The following PLCH1 variants were observed in gnomAD, a reference collection of about 807,000 sequenced individuals.
PLCH1 encodes phospholipase C eta 1, also known as 1-phosphatidylinositol 4,5-bisphosphate phosphodiesterase eta-1.
A neutral mutation model predicts 126.7 loss-of-function variants in PLCH1; 60 were observed. The ratio of observed to expected loss-of-function variants is 0.47; its 90% confidence interval spans 0.38 to 0.59. The LOEUF (loss-of-function observed/expected upper bound fraction) is 0.59, where lower values mean the gene tolerates loss of function less well. Ranked by LOEUF, PLCH1 falls within the 20% of genes least tolerant of loss-of-function variation. The probability of loss-of-function intolerance (pLI) is 0.00; values close to 1 mark genes in which losing one functional copy is unlikely to be tolerated. For missense variants in PLCH1, 1,723 were observed against 2,040.0 expected (o/e 0.84, Z 2.99); for synonymous variants, 719 against 734.9 (o/e 0.98, Z 0.35).
Position 155,568,209 on chromosome 3 carries a change from T to C in PLCH1, c.865+22A>G, listed in dbSNP as rs1332928074. 8 of 1,031,680 alleles carry C rather than the reference T, an allele frequency of 7.8e-6. No individual in the cohort carries two copies. The South Asian group carries it at 1.1e-4, about 14-fold the overall frequency. The allele number at this position is 1,031,680 out of a possible 1,614,324, so 63.9% of individuals were successfully genotyped here. ...ACAGGCTGAATCAAGAAATGAGAAA[T>C]AAAGAATATTGGTTATTTTACCTTC... On this transcript the variant is annotated intron_variant, in intron 7 of 22. Transcript: ENST00000460012.
At chr3:155,737,648 A>G (rs1424044889) in intron 1 of PLCH1, among the ~76,000 whole-genome samples, 2 of 152,238 alleles carry the variant, frequency 1.3e-5, no homozygotes, top group African/African-American at 2.4e-5. Context: ...TAAATTTTCA[A>G]TACCTCCTAT....
intron 1 of PLCH1, among the ~76,000 whole-genome samples, chr3:155,726,153 C>G (rs1174722383): frequency 2.0e-5 from 3 of 152,140 alleles, no homozygotes; most frequent in African/African-American, 7.2e-5. Context: ...CTTATATAGT[C>G]AATACGTGTT....
intron 1 of PLCH1, 100 bp from the exon 2 acceptor site, chr3:155,704,364 CA>C (rs1276878006): frequency 5.0e-6 from 2 of 397,736 alleles, no homozygotes; most frequent in Non-Finnish European, 8.8e-6. Flanking sequence ...TACGGGGCAA[CA>C]TATACGGCAT....
At chr3:155,744,233 C>T (rs1346996604) in intron 1 of PLCH1, among the ~76,000 whole-genome samples, 1 of 152,190 alleles carries the variant, frequency 6.6e-6, no homozygotes, top group African/African-American at 2.4e-5. Flanking sequence ...CAGAGCGTGC[C>T]GCCGCGGGGC....
intron 4 of PLCH1, among the ~76,000 whole-genome samples, chr3:155,593,286 C>A (rs1039448581): frequency 6.6e-6 from 1 of 152,178 alleles, no homozygotes; most frequent in Non-Finnish European, 1.5e-5. Context: ...AGGATGCCTG[C>A]AGACCAACTC....
chr3:155,644,657 T>G (rs1739800249), intron 2 of PLCH1, among the ~76,000 whole-genome samples: 1 of 152,092 alleles, frequency 6.6e-6, no homozygotes, highest in African/African-American at 2.4e-5. Context: ...CCAAAAAGCA[T>G]GCAGTTAAAG....
chr3:155,553,448 A>T (rs1726399427), intron 9 of PLCH1, among the ~76,000 whole-genome samples: 1 of 152,184 alleles, frequency 6.6e-6, no homozygotes, highest in African/African-American at 2.4e-5. Context: ...CTTGAGGGGA[A>T]AGTTCTGGAC....
At chr3:155,666,037 A>C (rs1454070921) in intron 2 of PLCH1, among the ~76,000 whole-genome samples, 1 of 152,222 alleles carries the variant, frequency 6.6e-6, no homozygotes, top group Non-Finnish European at 1.5e-5. Flanking sequence ...TAGATGTGCT[A>C]TCATTTTTTA....
In PLCH1 at chr3:155,485,635, A is replaced by G; in HGVS notation, c.2695T>C (p.Tyr899His). The part of the protein sequence containing the change: ...RHSSSENNSH[Y>H]VRKRSIGDRI... ...TCTCCAATGGATCGCTTCCGTACATAATGGGAATTGTTTTCTGAAGAACTG... is the reference window on the plus strand; with the variant it reads ...TCTCCAATGGATCGCTTCCGTACATGATGGGAATTGTTTTCTGAAGAACTG... Residue 899 changes from tyrosine to histidine, a missense_variant, in exon 22 of 23, where the codon TAT (tyrosine) becomes CAT (histidine). Physicochemically the swap from Tyr to His is moderately conservative, Grantham distance 83. Coordinates refer to ENST00000460012, the MANE Select transcript of PLCH1 (RefSeq NM_014996.4). 6.2e-7 allele frequency: 1 copy of G among 1,611,816 alleles called. No homozygotes were observed. The highest frequency in any genetic ancestry group is 8.5e-7 in the Non-Finnish European group (1 of 1,179,988).
At chr3:155,736,754 T>C (rs1749204552) in intron 1 of PLCH1, among the ~76,000 whole-genome samples, 1 of 152,214 alleles carries the variant, frequency 6.6e-6, no homozygotes, top group Non-Finnish European at 1.5e-5. Context: ...AGACAGATAA[T>C]TGCTTTTCTT....
chr3:155,615,855 A>G (rs1735738497), intron 2 of PLCH1, among the ~76,000 whole-genome samples: 1 of 152,192 alleles, frequency 6.6e-6, no homozygotes, highest in South Asian at 2.1e-4. Context: ...AATCTCAGCA[A>G]TCACCACTAA....
rs756101720 is a variant in PLCH1, at chr3:155,480,930, A to T, written c.*38T>A. On this transcript the variant is annotated 3_prime_UTR_variant, in exon 23 of 23. Coordinates refer to ENST00000460012, the MANE Select transcript of PLCH1 (RefSeq NM_014996.4). ...TACTGAAAACTCTGACATTCTACAGAATACCTTGAAAACCTTAAGAATGCA... is the reference window on the plus strand; with the variant it reads ...TACTGAAAACTCTGACATTCTACAGTATACCTTGAAAACCTTAAGAATGCA... 2 of 1,467,650 alleles carry T rather than the reference A, an allele frequency of 1.4e-6. No homozygotes were observed. Among genetic ancestry groups the T allele is most frequent in the Non-Finnish European group, 1.8e-6 (2 of 1,088,202 alleles). 90.9% of individuals were successfully genotyped at this position (1,467,650 alleles called of 1,614,324 possible). A position where few individuals can be genotyped will look rare whatever the true frequency, so the allele number is the denominator to read the frequency against.
Position 155,482,809 on chromosome 3 carries a change from T to A in PLCH1, c.3217A>T (p.Ser1073Cys). The change falls in exon 23 of 23, where the codon AGC (serine) becomes TGC (cysteine). Residue 1073 changes from serine to cysteine, a missense_variant. By Grantham distance (112) the Ser-to-Cys change is moderately radical. Around this residue, in one of 2 missense-constraint regions of PLCH1, gnomAD observed 947 missense variants for 977.1 expected, o/e 0.97. Coordinates refer to ENST00000460012, the MANE Select transcript of PLCH1 (RefSeq NM_014996.4). ...TSNCQENPCP[S>C]KSLSPKQHLA... ...TGCTGCTTTGGGGAGAGAGACTTGCTGGGACAGGGGTTTTCCTGGCAATTG... is the reference window on the plus strand; with the variant it reads ...TGCTGCTTTGGGGAGAGAGACTTGCAGGGACAGGGGTTTTCCTGGCAATTG... 1.2e-5 allele frequency: 20 copies of A among 1,614,102 alleles called. No homozygotes were observed. Among genetic ancestry groups the A allele is most frequent in the Non-Finnish European group, 1.6e-5 (19 of 1,180,026 alleles).
At chr3:155,543,920 G>C (rs112741584) in intron 10 of PLCH1, among the ~76,000 whole-genome samples, 32 of 152,078 alleles carry the variant, frequency 2.1e-4, no homozygotes, top group Non-Finnish European at 3.4e-4. Context: ...ACCAGTACCA[G>C]CCACTGCAAA....
In PLCH1 at chr3:155,683,238, C is replaced by T. The variant is rs532327004; in HGVS notation, c.79+20908G>A. 3.9e-5 allele frequency among the ~76,000 whole-genome samples: 6 copies of T among 152,254 alleles called. No individual in the cohort carries two copies. The South Asian group carries it at 1.2e-3, about 32-fold the overall frequency. On this transcript the variant is annotated intron_variant, in intron 2 of 22. Transcript: ENST00000460012. ...GCTGCCTGCTTGATGACTTATTGAT[C>T]TCCCCTTCGAGACTCTTGGTTTTCA... is the stretch of plus-strand genomic sequence containing the variant.
Position 155,482,880 on chromosome 3 carries a change from C to A in PLCH1, c.3146G>T (p.Gly1049Val), listed in dbSNP as rs1363289785. The A allele has an allele frequency of 6.2e-7, 1 of 1,614,130 alleles. No homozygotes were observed. Among genetic ancestry groups the A allele is most frequent in the Non-Finnish European group, 8.5e-7 (1 of 1,180,016 alleles). Reference protein sequence around the residue: ...AHMSVTGEQLGMSSPRGGRTT... With the variant: ...AHMSVTGEQLVMSSPRGGRTT... Reference sequence around the variant, plus strand: ...TCTCCCACCCCTAGGACTTGACATGCCCAGCTGTTCTCCTGTGACTGACAT... The same window carrying A: ...TCTCCCACCCCTAGGACTTGACATGACCAGCTGTTCTCCTGTGACTGACAT... The change falls in exon 23 of 23, where the codon GGC (glycine) becomes GTC (valine). Residue 1049 changes from glycine to valine, a missense_variant. By Grantham distance (109) the Gly-to-Val change is moderately radical. This residue lies in a region of PLCH1 where 947 missense variants were observed against 977.1 expected (regional missense o/e 0.97). Transcript: ENST00000460012.
intron 21 of PLCH1, among the ~76,000 whole-genome samples, chr3:155,460,465 C>T (rs1222626461): frequency 6.6e-6 from 1 of 152,026 alleles, no homozygotes; most frequent in East Asian, 1.9e-4. Flanking sequence ...GATATAAGGA[C>T]CCATTCTGTT....
At chr3:155,530,644 T>G (rs182926185) in intron 10 of PLCH1, among the ~76,000 whole-genome samples, 1 of 152,312 alleles carries the variant, frequency 6.6e-6, no homozygotes, top group Admixed American at 6.5e-5. Flanking sequence ...ACTGAAGTCT[T>G]GAACCCCTCA....
At chr3:155,462,892 A>C (rs1712780994) in intron 21 of PLCH1, among the ~76,000 whole-genome samples, 1 of 152,196 alleles carries the variant, frequency 6.6e-6, no homozygotes, top group Admixed American at 6.5e-5. Context: ...GGGATTGTGT[A>C]ACACAACCTG....
Sources: gnomAD v4.1 joint callset for allele counts (sites outside exome capture counted in the v4.1 genomes callset) on GRCh38, gnomAD v4.1.1 for gene constraint, gnomAD v4.1.1 regional missense constraint, MANE v1.5 for transcripts, NCBI Gene and HGNC (gene_info 2026-07-23, HGNC 2026-07-21) for gene names.